Variants in CPO observed in about 807,000 individuals in gnomAD.
CPO encodes the protein carboxypeptidase O.
In CPO, 43 loss-of-function variants were observed where a neutral mutation model predicts 41.2. The ratio of observed to expected loss-of-function variants is 1.04; its 90% CI spans 0.82 to 1.35. The LOEUF is 1.35. Ranked by LOEUF, CPO falls within the 40% of genes most tolerant of loss-of-function variation. The probability of loss-of-function intolerance (pLI) is 0.00; values close to 1 mark genes in which losing one functional copy is unlikely to be tolerated. For synonymous variants in CPO, 178 were observed against 162.7 expected (o/e 1.09, Z -0.72); for missense variants, 408 against 451.7 (o/e 0.90, Z 0.88).
chr2:206,943,723 A>C (rs1693079767), intron 1 of CPO, among the ~76,000 whole-genome samples: 1 of 136,052 alleles, frequency 7.4e-6, no homozygotes, highest in African/African-American at 2.8e-5. Flanking sequence ...TAGATGATGG[A>C]TAGATGATAG....
chr2:206,945,976 T>A (rs1220053785), intron 1 of CPO, among the ~76,000 whole-genome samples: 3 of 150,420 alleles, frequency 2.0e-5, no homozygotes, highest in Non-Finnish European at 4.4e-5. Context: ...TTTTTTAAAT[T>A]AAAAAAAAAG....
At chr2:206,950,856 A>G (rs1004309645) in intron 2 of CPO, among the ~76,000 whole-genome samples, 4 of 151,144 alleles carry the variant, frequency 2.6e-5, no homozygotes, top group African/African-American at 9.7e-5. Flanking sequence ...GTTCTCACCC[A>G]TAAGTGGGAG....
chr2:206,950,892 A>G (rs535262156), intron 2 of CPO, among the ~76,000 whole-genome samples: 6 of 124,254 alleles, frequency 4.8e-5, no homozygotes, highest in Non-Finnish European at 9.9e-5. Flanking sequence ...ACATGGTCAC[A>G]GGGAGGGGGA....
intron 2 of CPO, among the ~76,000 whole-genome samples, chr2:206,952,015 T>C (rs1422569602): frequency 2.0e-5 from 3 of 152,378 alleles, no homozygotes; most frequent in East Asian, 1.9e-4. Flanking sequence ...TGAGTAAGTA[T>C]TACTACTGTT....
intron 7 of CPO, among the ~76,000 whole-genome samples, chr2:206,963,159 T>TC (rs1693512381): frequency 6.6e-6 from 1 of 152,220 alleles, no homozygotes; most frequent in African/African-American, 2.4e-5. Flanking sequence ...GGAAACTGTT[T>TC]GGTCTTATCC....
At chr2:206,940,522 T>C (rs193005628) in intron 1 of CPO, among the ~76,000 whole-genome samples, 180 of 152,184 alleles carry the variant, frequency 1.2e-3, no homozygotes, top group Non-Finnish European at 2.0e-3. Context: ...TTACTAATTT[T>C]ATCATTTTAT....
chr2:206,946,830 A>G (rs1237700285), intron 1 of CPO, among the ~76,000 whole-genome samples: 4 of 152,164 alleles, frequency 2.6e-5, no homozygotes, highest in African/African-American at 9.6e-5. Context: ...CAAGTAAAAT[A>G]TGAAATTAAA....
Position 206,959,620 on chromosome 2 carries a change from TA to T in CPO, c.373-8del. 1 of 1,149,974 alleles carries T rather than the reference TA, an allele frequency of 8.7e-7. No individual in the cohort carries two copies. The highest frequency in any genetic ancestry group is 1.3e-6 in the Non-Finnish European group (1 of 767,564). The allele number at this position is 1,149,974 out of a possible 1,614,324, so 71.2% of individuals were successfully genotyped here. A position where few individuals can be genotyped will look rare whatever the true frequency, so the allele number is the denominator to read the frequency against. ...AAAATAATTCTGAACATTTCTTTCT[TA>T]AATTTCCAGATTCTACAAAACCATA... is the stretch of plus-strand genomic sequence containing the variant. On this transcript the variant is annotated splice_polypyrimidine_tract_variant and intron_variant, in intron 4 of 8. Coordinates refer to ENST00000272852, the MANE Select transcript of CPO (RefSeq NM_173077.3).
chr2:206,952,120 CTT>C (rs11456482), intron 2 of CPO, among the ~76,000 whole-genome samples: 1 of 149,164 alleles, frequency 6.7e-6, no homozygotes, highest in Non-Finnish European at 1.5e-5. Context: ...CCTCAATTAA[CTT>C]TTTTTTTTTT....
At chr2:206,948,633 G>A (rs558264506) in intron 1 of CPO, among the ~76,000 whole-genome samples, 1 of 152,168 alleles carries the variant, frequency 6.6e-6, no homozygotes, top group Non-Finnish European at 1.5e-5. Context: ...GTAGTGGCTG[G>A]GACCTGTAGT....
chr2:206,961,093 T>C (rs889200524), intron 6 of CPO, 151 bp downstream of exon 6: 8 of 628,620 alleles, frequency 1.3e-5, no homozygotes, highest in Middle Eastern at 3.8e-4. Flanking sequence ...TCTAACAGGA[T>C]AATATTATCT....
chr2:206,959,296 A>G (rs1486254009), intron 4 of CPO, among the ~76,000 whole-genome samples: 2 of 152,214 alleles, frequency 1.3e-5, no homozygotes, highest in African/African-American at 4.8e-5. Context: ...GATCAACAGT[A>G]TCAATACCAA....
At chr2:206,952,795 C>T (rs565692893) in intron 2 of CPO, among the ~76,000 whole-genome samples, 23 of 152,146 alleles carry the variant, frequency 1.5e-4, no homozygotes, top group Non-Finnish European at 3.1e-4. Flanking sequence ...AGGACATACC[C>T]GAGACTGGGT....
At chr2:206,960,290 A>G (rs1395286578) in intron 5 of CPO, among the ~76,000 whole-genome samples, 2 of 151,906 alleles carry the variant, frequency 1.3e-5, no homozygotes, top group Non-Finnish European at 2.9e-5. Context: ...CCCCTTTTCC[A>G]TTGCTCCCCT....
At chr2:206,944,654 TCATTG>T (rs1210141041) in intron 1 of CPO, among the ~76,000 whole-genome samples, 2 of 152,056 alleles carry the variant, frequency 1.3e-5, no homozygotes, top group Non-Finnish European at 2.9e-5. Flanking sequence ...AGGGCAAACT[TCATTG>T]AACAATGTAA....
At chr2:206,943,714 AGAT>A (rs397987532) in intron 1 of CPO, among the ~76,000 whole-genome samples, 3 of 71,328 alleles carry the variant, frequency 4.2e-5, no homozygotes, top group Non-Finnish European at 6.5e-5. Flanking sequence ...ATAGATAGAT[AGAT>A]GATGGATAGA....
At chr2:206,955,357 C>G in intron 2 of CPO, 106 bp from the exon 3 acceptor site, 1 of 754,498 alleles carries the variant, frequency 1.3e-6, no homozygotes, top group African/African-American at 1.7e-5. Flanking sequence ...CAATCTAGAG[C>G]AAAGATAACA....
At chr2:206,955,590 T>C (rs1215038284) in intron 3 of CPO, 26 bp downstream of exon 3, 1 of 1,174,456 alleles carries the variant, frequency 8.5e-7, no homozygotes, top group South Asian at 1.2e-5. Context: ...GAGAATTACC[T>C]TACCAGGAGA....
chr2:206,941,674 T>G (rs1452602648), intron 1 of CPO, among the ~76,000 whole-genome samples: 1 of 152,148 alleles, frequency 6.6e-6, no homozygotes, highest in African/African-American at 2.4e-5. Flanking sequence ...TAGTTATTGA[T>G]ATAAAAAATA....
Sources: gnomAD v4.1 joint callset for allele counts (sites outside exome capture counted in the v4.1 genomes callset) on GRCh38, gnomAD v4.1.1 for gene constraint, MANE v1.5 for transcripts, NCBI Gene and HGNC (gene_info 2026-07-23, HGNC 2026-07-21) for gene names.